Variants in KCNK13 observed in about 807,000 individuals in gnomAD.
KCNK13 encodes the protein potassium two pore domain channel subfamily K member 13, also known as potassium channel subfamily K member 13.
In KCNK13, 12 loss-of-function variants were observed where a neutral mutation model predicts 23.4. The observed-to-expected ratio is 0.51, with a 90% CI of 0.33 to 0.83. KCNK13 has a LOEUF of 0.83. KCNK13 is among the 40% of genes least tolerant of loss of function. The pLI is 0.02. For missense variants in KCNK13, 463 were observed against 556.3 expected (o/e 0.83, Z 1.69); for synonymous variants, 231 against 229.5 (o/e 1.01, Z -0.06).
At chr14:90,077,823 C>T (rs900904130) in intron 1 of KCNK13, among the ~76,000 whole-genome samples, 1 of 152,106 alleles carries the variant, frequency 6.6e-6, no homozygotes. Context: ...AAATCTTGCT[C>T]GCTTGTGGGG....
chr14:90,173,578 A>T (rs778109709), intron 1 of KCNK13, among the ~76,000 whole-genome samples: 2 of 152,148 alleles, frequency 1.3e-5, no homozygotes, highest in Non-Finnish European at 2.9e-5. Flanking sequence ...CCAGATATCC[A>T]CACCAGGGTT....
At chr14:90,152,926 T>C (rs904413190) in intron 1 of KCNK13, among the ~76,000 whole-genome samples, 1 of 152,190 alleles carries the variant, frequency 6.6e-6, no homozygotes, top group African/African-American at 2.4e-5. Context: ...CTGGACTGCA[T>C]TGTAGTAAGG....
chr14:90,148,461 A>G (rs1190720951), intron 1 of KCNK13, among the ~76,000 whole-genome samples: 1 of 152,230 alleles, frequency 6.6e-6, no homozygotes, highest in Non-Finnish European at 1.5e-5. Flanking sequence ...AAATGCTGCC[A>G]CAGATAAGAA....
At chr14:90,098,278 GTTTA>G (rs1448874704) in intron 1 of KCNK13, among the ~76,000 whole-genome samples, 2 of 152,058 alleles carry the variant, frequency 1.3e-5, no homozygotes, top group Non-Finnish European at 2.9e-5. Context: ...TTCCATTTTT[GTTTA>G]TTTAAGTGGC....
At chr14:90,156,698 C>T (rs112932860) in intron 1 of KCNK13, among the ~76,000 whole-genome samples, 2,019 of 152,210 alleles carry the variant, frequency 0.013, 44 homozygotes, top group African/African-American at 0.046. Context: ...TGGGGTATTA[C>T]GATCATCCCA....
intron 1 of KCNK13, among the ~76,000 whole-genome samples, chr14:90,150,336 C>T (rs1890121527): frequency 6.6e-6 from 1 of 151,842 alleles, no homozygotes; most frequent in Non-Finnish European, 1.5e-5. Context: ...ATATCTGGGC[C>T]AGGTGTACTG....
chr14:90,144,495 CTTT>C (rs71117323), intron 1 of KCNK13, among the ~76,000 whole-genome samples: 3 of 119,238 alleles, frequency 2.5e-5, no homozygotes, highest in East Asian at 2.6e-4. Flanking sequence ...TTTACTTTCT[CTTT>C]TTTTTTTTTT....
At chr14:90,140,044 T>G (rs1452575340) in intron 1 of KCNK13, among the ~76,000 whole-genome samples, 1 of 152,148 alleles carries the variant, frequency 6.6e-6, no homozygotes, top group Non-Finnish European at 1.5e-5. Flanking sequence ...GGGGTGACTG[T>G]GCAGATGGCA....
chr14:90,133,585 AAAAC>A (rs1456803186), intron 1 of KCNK13, among the ~76,000 whole-genome samples: 2 of 134,006 alleles, frequency 1.5e-5, no homozygotes, highest in Non-Finnish European at 3.1e-5. Flanking sequence ...ATTTAGAACA[AAAAC>A]AAAACAGGCA....
intron 1 of KCNK13, among the ~76,000 whole-genome samples, chr14:90,086,343 G>A (rs1317580302): frequency 1.3e-5 from 2 of 152,066 alleles, no homozygotes; most frequent in Non-Finnish European, 2.9e-5. Flanking sequence ...CCATTCTATA[G>A]GTGAGAAAAC....
At chr14:90,093,765 C>A (rs1889376285) in intron 1 of KCNK13, among the ~76,000 whole-genome samples, 1 of 152,184 alleles carries the variant, frequency 6.6e-6, no homozygotes, top group South Asian at 2.1e-4. Flanking sequence ...CCTCCCAGAG[C>A]ATTCTAAAGT....
rs138565894 is a variant in KCNK13, at chr14:90,120,856, A to G, written c.334+58317A>G. Among the ~76,000 whole-genome samples, 348 of 152,298 alleles carry G rather than the reference A, an allele frequency of 2.3e-3. 2 individuals are homozygous for G. Among genetic ancestry groups the G allele is most frequent in the African/African-American group, 8.0e-3 (334 of 41,564 alleles). On this transcript the variant is annotated intron_variant, in intron 1 of 1. Transcript: ENST00000282146. ...GCATTAGCCCAAAAGTCCAAGTCCA[A>G]AGTTTCATCCGAGACAAGGCAAGTC...
chr14:90,177,520 A>G (rs970394883), intron 1 of KCNK13, among the ~76,000 whole-genome samples: 4 of 152,212 alleles, frequency 2.6e-5, no homozygotes, highest in Admixed American at 1.3e-4. Context: ...GACCAGAGGA[A>G]TCTTTCCTCT....
intron 1 of KCNK13, among the ~76,000 whole-genome samples, chr14:90,112,652 AAACTC>A (rs1448869721): frequency 1.3e-5 from 2 of 152,252 alleles, no homozygotes; most frequent in African/African-American, 2.4e-5. Context: ...ATGTGATAGA[AAACTC>A]AAATGAAGTA....
chr14:90,149,139 CG>C (rs1182935877), intron 1 of KCNK13, among the ~76,000 whole-genome samples: 1 of 152,098 alleles, frequency 6.6e-6, no homozygotes, highest in Non-Finnish European at 1.5e-5. Context: ...GGGTGGATCA[CG>C]GGGTCAGGGG....
intron 1 of KCNK13, chr14:90,177,263 C>T (rs1890432866): frequency 6.6e-6 from 1 of 152,102 alleles, no homozygotes; most frequent in Admixed American, 6.6e-5. Flanking sequence ...TGATTGTTCA[C>T]AGTTACAGAT....
intron 1 of KCNK13, among the ~76,000 whole-genome samples, chr14:90,106,422 A>C (rs1393765828): frequency 6.6e-6 from 1 of 151,868 alleles, no homozygotes. Flanking sequence ...TAAAAATACA[A>C]AAATTAGCCA....
chr14:90,180,050 A>G (rs916912025), intron 1 of KCNK13, among the ~76,000 whole-genome samples: 2 of 152,180 alleles, frequency 1.3e-5, no homozygotes, highest in South Asian at 4.1e-4. Flanking sequence ...TTGTACCTTG[A>G]CAGTGATGAC....
intron 1 of KCNK13, among the ~76,000 whole-genome samples, chr14:90,137,830 A>G (rs1026780344): frequency 1.3e-5 from 2 of 152,240 alleles, no homozygotes; most frequent in African/African-American, 4.8e-5. Context: ...AGTTGCTTAC[A>G]CACACGATTG....
Sources: gnomAD v4.1 joint callset for allele counts (sites outside exome capture counted in the v4.1 genomes callset) on GRCh38, gnomAD v4.1.1 for gene constraint, MANE v1.5 for transcripts, NCBI Gene and HGNC (gene_info 2026-07-23, HGNC 2026-07-21) for gene names.